The following SCHIP1 variants were observed in gnomAD, a reference collection of about 807,000 sequenced individuals.
SCHIP1 encodes the protein schwannomin interacting protein 1, also known as schwannomin-interacting protein 1.
SCHIP1 carries 8 observed loss-of-function variants against 29.7 expected under a neutral mutation model. The observed-to-expected ratio is 0.27, with a 90% CI of 0.16 to 0.49. The LOEUF (loss-of-function observed/expected upper bound fraction) is 0.49, where lower values mean the gene tolerates loss of function less well. SCHIP1 is among the 20% of genes least tolerant of loss of function. The pLI, the probability that SCHIP1 is intolerant of heterozygous loss-of-function variation, is 0.99. For missense variants in SCHIP1, 193 were observed against 294.6 expected (o/e 0.66, Z 2.52); for synonymous variants, 76 against 94.9 (o/e 0.80, Z 1.16).
At chr3:159,471,050 G>T in the SCHIP1 span, among the ~76,000 whole-genome samples, 1 of 152,116 alleles carries the variant, frequency 6.6e-6, no homozygotes, top group East Asian at 1.9e-4. Flanking sequence ...GTGGTTATAT[G>T]ATTCTGTAAG....
the SCHIP1 span, among the ~76,000 whole-genome samples, chr3:159,760,019 A>G: frequency 7.0e-6 from 1 of 143,810 alleles, no homozygotes; most frequent in South Asian, 2.2e-4. Flanking sequence ...ACAGTTTCCT[A>G]CTGATGACAA....
chr3:159,578,217 C>T, the SCHIP1 span, among the ~76,000 whole-genome samples: 1 of 152,142 alleles, frequency 6.6e-6, no homozygotes, highest in African/African-American at 2.4e-5. Flanking sequence ...CTATCCAATA[C>T]AGTAGCCACC....
the SCHIP1 span, among the ~76,000 whole-genome samples, chr3:159,770,401 AG>A: frequency 6.6e-6 from 1 of 152,288 alleles, no homozygotes; most frequent in Non-Finnish European, 1.5e-5. Flanking sequence ...CTGGGATTAC[AG>A]GCAGCCACCA....
At chr3:159,342,315 T>A in the SCHIP1 span, among the ~76,000 whole-genome samples, 27 of 152,286 alleles carry the variant, frequency 1.8e-4, no homozygotes, top group South Asian at 5.6e-3. Flanking sequence ...ATTTTAAATA[T>A]CCCTGATTTA....
At chr3:159,587,056 C>T in the SCHIP1 span, among the ~76,000 whole-genome samples, 31 of 152,264 alleles carry the variant, frequency 2.0e-4, no homozygotes, top group East Asian at 5.2e-3. Context: ...AATGCCAGTC[C>T]AAGGGCAGAT....
the SCHIP1 span, among the ~76,000 whole-genome samples, chr3:159,279,277 C>G: frequency 6.6e-6 from 1 of 152,192 alleles, no homozygotes; most frequent in Non-Finnish European, 1.5e-5. Flanking sequence ...CCTGCACACA[C>G]GCTCTTGCCT....
the SCHIP1 span, among the ~76,000 whole-genome samples, chr3:159,713,241 A>AAAGG: frequency 1.1e-5 from 1 of 88,032 alleles, no homozygotes; most frequent in African/African-American, 4.9e-5. Flanking sequence ...AGGAAGAAAG[A>AAAGG]AAGAAAGAAA....
At chr3:159,491,146 G>A in the SCHIP1 span, among the ~76,000 whole-genome samples, 1 of 152,182 alleles carries the variant, frequency 6.6e-6, no homozygotes, top group Non-Finnish European at 1.5e-5. Context: ...GGCCGAATAG[G>A]AGCAGCTCCA....
At chr3:159,669,856 GC>G in the SCHIP1 span, among the ~76,000 whole-genome samples, 518 of 152,316 alleles carry the variant, frequency 3.4e-3, 5 homozygotes, top group African/African-American at 0.012. Flanking sequence ...CTAGGAGGAA[GC>G]TATGTGATGA....
chr3:159,600,403 G>A, the SCHIP1 span, among the ~76,000 whole-genome samples: 2 of 151,956 alleles, frequency 1.3e-5, no homozygotes, highest in African/African-American at 2.4e-5. Context: ...ATCATTTTTT[G>A]TCCAGATGGG....
chr3:159,308,482 T>C, the SCHIP1 span, among the ~76,000 whole-genome samples: 11 of 152,196 alleles, frequency 7.2e-5, no homozygotes, highest in Middle Eastern at 3.4e-3. Context: ...AGAGATACCA[T>C]ATTATACTAA....
the SCHIP1 span, among the ~76,000 whole-genome samples, chr3:159,414,590 A>G: frequency 6.6e-6 from 1 of 152,182 alleles, no homozygotes; most frequent in Admixed American, 6.5e-5. Context: ...TCAACAACAT[A>G]TAGAAGTGCT....
the SCHIP1 span, among the ~76,000 whole-genome samples, chr3:159,756,689 A>G: frequency 5.3e-5 from 8 of 152,214 alleles, no homozygotes; most frequent in Non-Finnish European, 1.0e-4. Flanking sequence ...CAAATTTTCC[A>G]AACTTTTATG....
At chr3:159,371,648 A>G in the SCHIP1 span, among the ~76,000 whole-genome samples, 5 of 152,334 alleles carry the variant, frequency 3.3e-5, no homozygotes, top group Admixed American at 3.3e-4. Flanking sequence ...TCCTGGACCT[A>G]CCAAGGATAC....
At chr3:159,718,003 C>T in the SCHIP1 span, among the ~76,000 whole-genome samples, 2 of 152,222 alleles carry the variant, frequency 1.3e-5, no homozygotes, top group African/African-American at 4.8e-5. Context: ...CGAACCAAAT[C>T]CAGCAGCACA....
the SCHIP1 span, chr3:159,309,058 A>G: frequency 6.5e-6 from 1 of 152,874 alleles, no homozygotes; most frequent in South Asian, 2.1e-4. Flanking sequence ...ATTGAGGGCT[A>G]TGCTCACTAC....
chr3:159,394,812 G>A, the SCHIP1 span, among the ~76,000 whole-genome samples: 1 of 152,084 alleles, frequency 6.6e-6, no homozygotes, highest in Non-Finnish European at 1.5e-5. Context: ...TTTGGTATCA[G>A]AATGATGCTG....
the SCHIP1 span, among the ~76,000 whole-genome samples, chr3:159,477,920 CTTTT>C: frequency 4.1e-5 from 4 of 98,286 alleles, no homozygotes; most frequent in East Asian, 9.7e-4. Flanking sequence ...CATTTTAAAT[CTTTT>C]TTTTTTTTTT....
At chr3:159,439,486 C>T in the SCHIP1 span, among the ~76,000 whole-genome samples, 2 of 152,136 alleles carry the variant, frequency 1.3e-5, no homozygotes, top group African/African-American at 4.8e-5. Context: ...CCCCATGATT[C>T]AATTACCTCC....
Sources: allele counts gnomAD v4.1 joint callset (sites outside exome capture counted in the v4.1 genomes callset), GRCh38; gene constraint gnomAD v4.1.1; transcripts MANE v1.5; gene names NCBI Gene and HGNC (gene_info 2026-07-23, HGNC 2026-07-21).